TAFA5: variants seen among roughly 807,000 people sequenced by gnomAD.
The protein encoded by TAFA5 is chemokine-like protein TAFA-5.
A neutral mutation model predicts 15.3 loss-of-function variants in TAFA5; 6 were observed. The ratio of observed to expected loss-of-function variants is 0.39; its 90% CI spans 0.21 to 0.77. TAFA5 has a LOEUF of 0.77. TAFA5 is among the 30% of genes least tolerant of loss of function. The pLI is 0.41. For synonymous variants in TAFA5, 103 were observed against 80.7 expected (o/e 1.28, Z -1.48); for missense variants, 161 against 193.1 (o/e 0.83, Z 0.98).
Position 48,591,958 on chromosome 22 carries a change from C to T in TAFA5, c.113-54639C>T, listed in dbSNP as rs78056089. ...AGTGCCCCAGCCTCACGGCCCTGAG[C>T]GCCCTTCAGCCACTGAAGTGTGATG... On this transcript the variant is annotated intron_variant, in intron 1 of 3. Transcript: ENST00000402357. Among the ~76,000 whole-genome samples, 668 of 152,310 alleles carry T rather than the reference C, an allele frequency of 4.4e-3. 12 individuals are homozygous for T. Among genetic ancestry groups the T allele is most frequent in the East Asian group, 0.031 (160 of 5,154 alleles).
chr22:48,585,325 TCA>T lies in TAFA5; in HGVS notation c.113-61259_113-61258del, dbSNP rs1007072904. On this transcript the variant is annotated intron_variant, in intron 1 of 3. Transcript: ENST00000402357. ...TACACCACATACACATACAAAATAT[TCA>T]CACACACACACATAAAATACACCAC... 2.2e-3 allele frequency among the ~76,000 whole-genome samples: 304 copies of T among 135,442 alleles called. 2 individuals are homozygous for T. The highest frequency in any genetic ancestry group is 6.6e-3 in the African/African-American group (235 of 35,552). 88.9% of individuals were successfully genotyped at this position (135,442 alleles called of 152,430 possible). A position where few individuals can be genotyped will look rare whatever the true frequency, so the allele number is the denominator to read the frequency against.
At chr22:48,708,055 G>C (rs1929138254) in intron 3 of TAFA5, among the ~76,000 whole-genome samples, 1 of 152,094 alleles carries the variant, frequency 6.6e-6, no homozygotes, top group Non-Finnish European at 1.5e-5. Flanking sequence ...TGAGTACATG[G>C]GGGCTGAGAG....
At chr22:48,665,174 C>T (rs1170607893) in intron 2 of TAFA5, among the ~76,000 whole-genome samples, 1 of 152,160 alleles carries the variant, frequency 6.6e-6, no homozygotes, top group East Asian at 1.9e-4. Context: ...AGATCCTGGG[C>T]ATGACTCTAC....
At chr22:48,529,859 C>T (rs960720849) in intron 1 of TAFA5, among the ~76,000 whole-genome samples, 9 of 152,100 alleles carry the variant, frequency 5.9e-5, no homozygotes, top group Non-Finnish European at 1.2e-4. Context: ...CCTTGAGTCA[C>T]AGCGAGCCTG....
Position 48,490,677 on chromosome 22 carries a change from G to A in TAFA5, c.112+973G>A, listed in dbSNP as rs1928118304. Among the ~76,000 whole-genome samples the A allele has an allele frequency of 6.7e-6, 1 of 149,996 alleles. No individual in the cohort carries two copies. The highest frequency in any genetic ancestry group is 2.1e-4 in the South Asian group (1 of 4,744). On this transcript the variant is annotated intron_variant, in intron 1 of 3. Transcript: ENST00000402357. This position sits in a 1 kb window ranked among gnomAD's most constrained non-coding sequence, Gnocchi z 5.8. ...TCGGCTTCAGCTCCGGGAGCTCCGG[G>A]CTTCTTGTCTTCAGCGGGAGAATAG...
At chr22:48,561,087 A>G (rs988253389) in intron 1 of TAFA5, among the ~76,000 whole-genome samples, 4 of 151,880 alleles carry the variant, frequency 2.6e-5, no homozygotes, top group Admixed American at 2.0e-4. Flanking sequence ...GGGACTGTGG[A>G]TGGGAGGTGA....
At chr22:48,500,786 T>C (rs554311038) in intron 1 of TAFA5, among the ~76,000 whole-genome samples, 3 of 152,196 alleles carry the variant, frequency 2.0e-5, no homozygotes, top group Non-Finnish European at 4.4e-5. Flanking sequence ...CTCGGGTTCC[T>C]GGATGCACAC....
At chr22:48,608,478 C>T (rs1184706760) in intron 1 of TAFA5, among the ~76,000 whole-genome samples, 1 of 152,056 alleles carries the variant, frequency 6.6e-6, no homozygotes, top group Non-Finnish European at 1.5e-5. Flanking sequence ...CATCCGTCCT[C>T]CACTTGGGGC....
chr22:48,646,509 G>A lies in TAFA5; in HGVS notation c.113-88G>A, dbSNP rs1285775399. Reference sequence around the variant, plus strand: ...CTGCCCTGTGGCCTGGCTGCTGGGGGCCCCTCTGTGGGTGGGCTCTGGGTG... The same window carrying A: ...CTGCCCTGTGGCCTGGCTGCTGGGGACCCCTCTGTGGGTGGGCTCTGGGTG... On this transcript the variant is annotated intron_variant, in intron 1 of 3. Coordinates refer to ENST00000402357, the MANE Select transcript of TAFA5 (RefSeq NM_001082967.3). 14 of 1,512,538 alleles carry A rather than the reference G, an allele frequency of 9.3e-6. No homozygotes were observed. In the East Asian group the frequency reaches 3.0e-4, roughly 32 times the overall value. 93.7% of individuals were successfully genotyped at this position (1,512,538 alleles called of 1,614,324 possible).
intron 1 of TAFA5, among the ~76,000 whole-genome samples, chr22:48,499,648 C>T (rs1164694423): frequency 1.3e-5 from 2 of 152,190 alleles, no homozygotes; most frequent in African/African-American, 4.8e-5. Flanking sequence ...CTCAGCTCCA[C>T]TCTACACTGG....
At chr22:48,535,201 A>G (rs1922112733) in intron 1 of TAFA5, among the ~76,000 whole-genome samples, 1 of 152,072 alleles carries the variant, frequency 6.6e-6, no homozygotes, top group African/African-American at 2.4e-5. Flanking sequence ...TTTTTATGCA[A>G]ATGATCACCC....
chr22:48,637,141 C>T (rs532291556), intron 1 of TAFA5, among the ~76,000 whole-genome samples: 1 of 152,302 alleles, frequency 6.6e-6, no homozygotes, highest in East Asian at 1.9e-4. Context: ...TGTCAGGGTA[C>T]AGACACCTGT....
intron 1 of TAFA5, among the ~76,000 whole-genome samples, chr22:48,539,863 A>G (rs1922299434): frequency 1.3e-5 from 2 of 152,220 alleles, no homozygotes; most frequent in Non-Finnish European, 2.9e-5. Context: ...TCGAAGTCCC[A>G]GAACCTGCCG....
At chr22:48,725,138 G>C (rs945076839) in intron 3 of TAFA5, among the ~76,000 whole-genome samples, 1 of 152,274 alleles carries the variant, frequency 6.6e-6, no homozygotes, top group African/African-American at 2.4e-5. Context: ...ATCCTGTGAA[G>C]ATGAAGGCCT....
chr22:48,677,013 C>G (rs912589676), intron 2 of TAFA5, among the ~76,000 whole-genome samples: 1 of 152,234 alleles, frequency 6.6e-6, no homozygotes, highest in African/African-American at 2.4e-5. Context: ...TCTGCTCTCT[C>G]GTGGAGGACG....
At chr22:48,574,557 G>A (rs1315555178) in intron 1 of TAFA5, among the ~76,000 whole-genome samples, 1 of 152,104 alleles carries the variant, frequency 6.6e-6, no homozygotes. Flanking sequence ...TTCCTGGCAC[G>A]TCAATACTGG....
intron 1 of TAFA5, among the ~76,000 whole-genome samples, chr22:48,614,824 G>A (rs1357923070): frequency 6.6e-6 from 1 of 152,196 alleles, no homozygotes; most frequent in Non-Finnish European, 1.5e-5. Flanking sequence ...AGACAGATGT[G>A]GGGGCCGGGG....
intron 1 of TAFA5, among the ~76,000 whole-genome samples, chr22:48,615,431 C>T (rs560824176): frequency 4.6e-5 from 7 of 152,284 alleles, no homozygotes; most frequent in South Asian, 2.1e-4. Context: ...TGGCCGAGGA[C>T]GCTCTGTCCG....
chr22:48,555,081 G>A (rs973439103), intron 1 of TAFA5, among the ~76,000 whole-genome samples: 2 of 152,360 alleles, frequency 1.3e-5, no homozygotes, highest in Non-Finnish European at 2.9e-5. Flanking sequence ...GACTCCCACT[G>A]CAGGGCCACC....
Sources: gnomAD v4.1 joint callset for allele counts (sites outside exome capture counted in the v4.1 genomes callset) on GRCh38, gnomAD v4.1.1 for gene constraint, Gnocchi (gnomAD v3.1) non-coding constraint, MANE v1.5 for transcripts, NCBI Gene and HGNC (gene_info 2026-07-23, HGNC 2026-07-21) for gene names.